Variants in SUSD6 observed in about 807,000 individuals in gnomAD.
SUSD6 encodes sushi domain containing 6, also known as sushi domain-containing protein 6.
A neutral mutation model predicts 28.4 loss-of-function variants in SUSD6; 16 were observed. The observed-to-expected ratio is 0.56, with a 90% confidence interval of 0.38 to 0.86. The LOEUF (loss-of-function observed/expected upper bound fraction) is 0.86, where lower values mean the gene tolerates loss of function less well. Among genes scored for constraint, SUSD6 ranks in the 40% least tolerant of loss-of-function variants. SUSD6 has a pLI of 0.00. For synonymous variants in SUSD6, 147 were observed against 159.6 expected, an observed-to-expected ratio of 0.92 and a Z score of 0.59; for missense variants, 341 against 384.2, an observed-to-expected ratio of 0.89 and a Z score of 0.94.
chr14:69,694,279 T>C (rs546819357), intron 2 of SUSD6, among the ~76,000 whole-genome samples: 1 of 152,352 alleles, frequency 6.6e-6, no homozygotes, highest in South Asian at 2.1e-4. Context: ...GCTGCTGTTA[T>C]TGAACACTTA....
At chr14:69,659,937 T>C (rs1885638588) in intron 2 of SUSD6, among the ~76,000 whole-genome samples, 1 of 152,238 alleles carries the variant, frequency 6.6e-6, no homozygotes, top group Non-Finnish European at 1.5e-5. Flanking sequence ...TGTTTGGGTG[T>C]GTACGGTAGG....
intron 2 of SUSD6, among the ~76,000 whole-genome samples, chr14:69,686,760 C>T (rs1348768919): frequency 2.0e-5 from 3 of 152,166 alleles, no homozygotes; most frequent in African/African-American, 7.2e-5. Context: ...GAAAGACCTG[C>T]GCCCATGATT....
chr14:69,694,529 T>C (rs1038837128), intron 2 of SUSD6, among the ~76,000 whole-genome samples: 1 of 152,194 alleles, frequency 6.6e-6, no homozygotes, highest in African/African-American at 2.4e-5. Context: ...CCTTGGAACC[T>C]TGGAGATGGG....
intron 2 of SUSD6, among the ~76,000 whole-genome samples, chr14:69,683,485 A>G (rs1021646440): frequency 1.3e-5 from 2 of 152,200 alleles, no homozygotes; most frequent in South Asian, 4.1e-4. Context: ...AAAAGAGAGC[A>G]CTAAGATTGG....
intron 4 of SUSD6, among the ~76,000 whole-genome samples, chr14:69,707,161 A>G (rs1292691891): frequency 6.6e-6 from 1 of 152,202 alleles, no homozygotes; most frequent in Non-Finnish European, 1.5e-5. Context: ...GCTGAAGTAG[A>G]TATATTTTTG....
chr14:69,653,907 A>G (rs1029476068), intron 1 of SUSD6, among the ~76,000 whole-genome samples: 1 of 152,090 alleles, frequency 6.6e-6, no homozygotes, highest in Non-Finnish European at 1.5e-5. Flanking sequence ...ATTCTGGGCA[A>G]TACTTTGGAG....
At chr14:69,701,378 G>C (rs1886310637) in intron 2 of SUSD6, among the ~76,000 whole-genome samples, 1 of 152,146 alleles carries the variant, frequency 6.6e-6, no homozygotes, top group African/African-American at 2.4e-5. Context: ...GGACTTGTGT[G>C]TGGGTCCTGC....
intron 1 of SUSD6, among the ~76,000 whole-genome samples, chr14:69,625,958 C>T (rs1179284930): frequency 6.6e-6 from 1 of 152,196 alleles, no homozygotes; most frequent in East Asian, 1.9e-4. Context: ...GGCCTCTCTC[C>T]CTATACCACT....
intron 2 of SUSD6, among the ~76,000 whole-genome samples, chr14:69,668,147 G>A (rs1483688725): frequency 6.6e-6 from 1 of 152,196 alleles, no homozygotes; most frequent in African/African-American, 2.4e-5. Flanking sequence ...GCCTTCTGGG[G>A]AGGAAGTGGA....
At chr14:69,662,589 C>T (rs1595046453) in intron 2 of SUSD6, among the ~76,000 whole-genome samples, 1 of 152,138 alleles carries the variant, frequency 6.6e-6, no homozygotes, top group African/African-American at 2.4e-5. Context: ...CAAAAGGAGG[C>T]GTATCTTATT....
At chr14:69,700,368 T>C (rs978968262) in intron 2 of SUSD6, among the ~76,000 whole-genome samples, 2 of 152,232 alleles carry the variant, frequency 1.3e-5, no homozygotes, top group Admixed American at 6.5e-5. Flanking sequence ...GTCCATCTTA[T>C]ATCAAATTAT....
At chr14:69,617,410 T>C (rs1367257990) in intron 1 of SUSD6, 2 of 152,148 alleles carry the variant, frequency 1.3e-5, no homozygotes, top group African/African-American at 4.8e-5. Context: ...GATCCTACTG[T>C]GGTGTTGCGG....
intron 2 of SUSD6, among the ~76,000 whole-genome samples, chr14:69,677,663 A>G (rs1304262874): frequency 6.6e-6 from 1 of 152,146 alleles, no homozygotes; most frequent in Non-Finnish European, 1.5e-5. Flanking sequence ...AGACAGCTGC[A>G]TGGTCAATCA....
intron 1 of SUSD6, among the ~76,000 whole-genome samples, chr14:69,639,736 G>C (rs1885321135): frequency 6.6e-6 from 1 of 152,192 alleles, no homozygotes; most frequent in South Asian, 2.1e-4. Context: ...GTGATTCTTT[G>C]TTGTATGGGG....
intron 2 of SUSD6, among the ~76,000 whole-genome samples, chr14:69,701,783 CTTTGT>C (rs1414495465): frequency 6.6e-6 from 1 of 152,106 alleles, no homozygotes; most frequent in Non-Finnish European, 1.5e-5. Context: ...ACCTACCCAG[CTTTGT>C]TTTGTTAATA....
intron 2 of SUSD6, among the ~76,000 whole-genome samples, chr14:69,674,837 A>G (rs1402486368): frequency 1.3e-5 from 2 of 152,152 alleles, no homozygotes; most frequent in East Asian, 3.8e-4. Flanking sequence ...ATTGTTACTT[A>G]GCCCCTCTGA....
chr14:69,702,100 T>C (rs1310240654), intron 2 of SUSD6, among the ~76,000 whole-genome samples: 1 of 152,084 alleles, frequency 6.6e-6, no homozygotes, highest in East Asian at 1.9e-4. Flanking sequence ...GTGGTGTGAC[T>C]CTCAGTCACT....
intron 2 of SUSD6, among the ~76,000 whole-genome samples, chr14:69,684,846 T>TC (rs1886049156): frequency 6.6e-6 from 1 of 152,238 alleles, no homozygotes; most frequent in Non-Finnish European, 1.5e-5. Flanking sequence ...CCTTGAGTCT[T>TC]CAACTTTCAC....
At chr14:69,641,825 G>A (rs1224624450) in intron 1 of SUSD6, among the ~76,000 whole-genome samples, 3 of 151,456 alleles carry the variant, frequency 2.0e-5, no homozygotes, top group East Asian at 1.9e-4. Flanking sequence ...GGCTGGTCTC[G>A]AACTCCTGGA....
Sources: allele counts gnomAD v4.1 joint callset (sites outside exome capture counted in the v4.1 genomes callset), GRCh38; gene constraint gnomAD v4.1.1; transcripts MANE v1.5; gene names NCBI Gene and HGNC (gene_info 2026-07-23, HGNC 2026-07-21).